The following AGBL4 variants were observed in gnomAD, a reference collection of about 807,000 sequenced individuals.
AGBL4 encodes the protein AGBL carboxypeptidase 4.
A neutral mutation model predicts 66.4 loss-of-function variants in AGBL4; 58 were observed. The observed-to-expected ratio is 0.87, with a 90% confidence interval of 0.71 to 1.09. The LOEUF (loss-of-function observed/expected upper bound fraction) is 1.09, where lower values mean the gene tolerates loss of function less well. AGBL4 is among the 50% of genes least tolerant of loss of function. The pLI is 0.00. For missense variants in AGBL4, 579 were observed against 631.0 expected (o/e 0.92, Z 0.88); for synonymous variants, 234 against 222.9 (o/e 1.05, Z -0.44).
chr1:49,642,610 G>T (rs1436518885), intron 3 of AGBL4, among the ~76,000 whole-genome samples: 1 of 151,830 alleles, frequency 6.6e-6, no homozygotes, highest in East Asian at 1.9e-4. Flanking sequence ...CACCAAAAAG[G>T]ATTAAAAGGA....
chr1:48,635,026 C>T (rs1471148026), intron 8 of AGBL4, among the ~76,000 whole-genome samples: 4 of 152,188 alleles, frequency 2.6e-5, no homozygotes, highest in Admixed American at 6.5e-5. Flanking sequence ...TCAAAATACA[C>T]CATAACCCAA....
At chr1:48,961,801 G>C (rs1658010703) in intron 5 of AGBL4, among the ~76,000 whole-genome samples, 2 of 152,208 alleles carry the variant, frequency 1.3e-5, no homozygotes, top group Admixed American at 1.3e-4. Context: ...CAGAGGCTAA[G>C]GAGGCCTGGG....
intron 4 of AGBL4, among the ~76,000 whole-genome samples, chr1:49,089,015 T>G (rs1246758401): frequency 6.6e-6 from 1 of 151,708 alleles, no homozygotes; most frequent in East Asian, 1.9e-4. Context: ...GGGTAAACAA[T>G]GAAACTAAGA....
chr1:49,970,001 G>A (rs1218514806), intron 1 of AGBL4, among the ~76,000 whole-genome samples: 1 of 152,186 alleles, frequency 6.6e-6, no homozygotes, highest in African/African-American at 2.4e-5. Context: ...GATGGGGAAA[G>A]AGTAGTCTCT....
At chr1:48,881,061 T>C (rs1282836999) in intron 5 of AGBL4, among the ~76,000 whole-genome samples, 1 of 152,204 alleles carries the variant, frequency 6.6e-6, no homozygotes, top group African/African-American at 2.4e-5. Context: ...TATAGTTTTT[T>C]CCTTCATTTG....
chr1:49,779,415 A>T (rs1311721834), intron 2 of AGBL4, among the ~76,000 whole-genome samples: 1 of 152,206 alleles, frequency 6.6e-6, no homozygotes. Flanking sequence ...GTAAGGTGGT[A>T]ACATGTAGTA....
intron 6 of AGBL4, among the ~76,000 whole-genome samples, chr1:48,752,354 G>A (rs1210198473): frequency 6.6e-6 from 1 of 152,154 alleles, no homozygotes; most frequent in Non-Finnish European, 1.5e-5. Flanking sequence ...AAATCTAGGA[G>A]GTCAAATGGG....
At chr1:49,359,148 T>G (rs1644084410) in intron 3 of AGBL4, among the ~76,000 whole-genome samples, 1 of 152,218 alleles carries the variant, frequency 6.6e-6, no homozygotes, top group Non-Finnish European at 1.5e-5. Flanking sequence ...AGCTTTAGCA[T>G]GTATGAGTTA....
chr1:49,833,256 T>G (rs557150210), intron 2 of AGBL4, among the ~76,000 whole-genome samples: 1 of 152,160 alleles, frequency 6.6e-6, no homozygotes, highest in East Asian at 1.9e-4. Flanking sequence ...AGGGAATCCT[T>G]TCCCCATTGC....
At chr1:49,984,616 G>A (rs1557640095) in intron 1 of AGBL4, among the ~76,000 whole-genome samples, 1 of 152,170 alleles carries the variant, frequency 6.6e-6, no homozygotes, top group Non-Finnish European at 1.5e-5. Context: ...CTTTGCCAGA[G>A]GCACACTTCC....
intron 9 of AGBL4, among the ~76,000 whole-genome samples, chr1:48,628,433 C>T (rs1038615908): frequency 6.6e-6 from 1 of 151,680 alleles, no homozygotes; most frequent in Non-Finnish European, 1.5e-5. Context: ...CACTTTGTTT[C>T]CTTGCTTTGA....
intron 4 of AGBL4, among the ~76,000 whole-genome samples, chr1:49,086,672 C>A (rs1644912880): frequency 6.6e-6 from 1 of 151,932 alleles, no homozygotes; most frequent in South Asian, 2.1e-4. Context: ...GCAGAGTGGG[C>A]AACTCCACTC....
Position 49,700,933 on chromosome 1 carries a change from TA to T in AGBL4, c.158-3497del, listed in dbSNP as rs1049589625. Among the ~76,000 whole-genome samples the T allele has an allele frequency of 4.6e-5, 7 of 151,998 alleles. No homozygotes were observed. The South Asian group carries it at 8.3e-4, about 18-fold the overall frequency. ...GGCAAGCAAAAAGAACAGAAAATGTTAAAAAAAATTATCTGAATGTACCCTA... is the reference window on the plus strand; with the variant it reads ...GGCAAGCAAAAAGAACAGAAAATGTTAAAAAAATTATCTGAATGTACCCTA... On this transcript the variant is annotated intron_variant, in intron 2 of 13. Transcript: ENST00000371839.
intron 1 of AGBL4, among the ~76,000 whole-genome samples, chr1:49,976,132 T>C (rs1658533681): frequency 6.6e-6 from 1 of 152,178 alleles, no homozygotes; most frequent in African/African-American, 2.4e-5. Flanking sequence ...AGGCTTCACT[T>C]TGGAAGGGCT....
At chr1:49,460,023 T>C (rs1166625387) in intron 3 of AGBL4, among the ~76,000 whole-genome samples, 1 of 151,756 alleles carries the variant, frequency 6.6e-6, no homozygotes, top group African/African-American at 2.4e-5. Flanking sequence ...AGACTTGTTT[T>C]GTGCCCTATC....
chr1:49,415,534 G>A (rs910273243), intron 3 of AGBL4, among the ~76,000 whole-genome samples: 2 of 152,040 alleles, frequency 1.3e-5, no homozygotes, highest in African/African-American at 4.8e-5. Context: ...GGACTGAAGT[G>A]ACATTAAAAT....
chr1:49,844,733 A>C (rs1341542637), intron 2 of AGBL4: 1 of 1,603,714 alleles, frequency 6.2e-7, no homozygotes, highest in East Asian at 2.2e-5. Flanking sequence ...GTTCTAAAGC[A>C]ACGTATCTCT....
intron 6 of AGBL4, among the ~76,000 whole-genome samples, chr1:48,702,817 G>A (rs780643214): frequency 3.2e-4 from 49 of 152,156 alleles, no homozygotes; most frequent in African/African-American, 9.7e-4. Context: ...ATTTGATTCC[G>A]TAGTCAGAAA....
At chr1:49,145,282 A>G (rs575881862) in intron 4 of AGBL4, among the ~76,000 whole-genome samples, 2 of 152,240 alleles carry the variant, frequency 1.3e-5, no homozygotes, top group East Asian at 1.9e-4. Context: ...TCTGCTACAT[A>G]TATTAAAGAT....
Sources: gnomAD v4.1 joint callset for allele counts (sites outside exome capture counted in the v4.1 genomes callset) on GRCh38, gnomAD v4.1.1 for gene constraint, MANE v1.5 for transcripts, NCBI Gene and HGNC (gene_info 2026-07-23, HGNC 2026-07-21) for gene names.